BTAF1: variants seen among roughly 807,000 people sequenced by gnomAD.
BTAF1 encodes B-TFIID TATA-box binding protein associated factor 1, also known as TATA-binding protein-associated factor 172.
Under a neutral mutation model 227.1 loss-of-function variants are expected in BTAF1, and 38 were observed. The ratio of observed to expected loss-of-function variants is 0.17; its 90% CI spans 0.13 to 0.22. The LOEUF is 0.22. Ranked by LOEUF, BTAF1 falls within the 10% of genes least tolerant of loss-of-function variation. The pLI, the probability that BTAF1 is intolerant of heterozygous loss-of-function variation, is 1.00. For missense variants in BTAF1, 1,598 were observed against 2,204.0 expected (o/e 0.73, Z 5.51); for synonymous variants, 742 against 751.9 (o/e 0.99, Z 0.21).
chr10:91,981,891 A>C, intron 16 of BTAF1, 99 bp downstream of exon 16: 1 of 1,398,514 alleles, frequency 7.2e-7, no homozygotes, highest in South Asian at 1.5e-5. Flanking sequence ...AGTGTGATTT[A>C]ATTAACATAA....
chr10:92,008,019 A>G (rs747899495), intron 25 of BTAF1, 104 bp from the exon 26 acceptor site: 75 of 1,111,706 alleles, frequency 6.7e-5, no homozygotes, highest in Non-Finnish European at 9.3e-5. Context: ...TCTTTGTACA[A>G]TTTTCAGAAT....
rs1277065687 is a variant in BTAF1 at position 92,030,394 on chromosome 10, G to A, written c.*1461G>A. On this transcript the variant is annotated 3_prime_UTR_variant, in exon 38 of 38. Transcript: ENST00000265990. ...GAGCAAAAGATTATTCAGGTATACA[G>A]GTTTTTTTTCATTGTTTAGGATTTT... The A allele has an allele frequency of 3.3e-5, 5 of 152,336 alleles. No individual in the cohort carries two copies. In the East Asian group the frequency reaches 9.7e-4, roughly 29 times the overall value. The allele number at this position is 152,336 out of a possible 1,614,324, so 9.4% of individuals were successfully genotyped here. A position where few individuals can be genotyped will look rare whatever the true frequency, so the allele number is the denominator to read the frequency against.
In BTAF1 at chr10:92,021,382, A is replaced by G. The variant is rs193170390; in HGVS notation, c.4863+2447A>G. Among the ~76,000 whole-genome samples, 788 of 152,282 alleles carry G rather than the reference A, an allele frequency of 5.2e-3. 3 individuals are homozygous for G. Among genetic ancestry groups the G allele is most frequent in the Non-Finnish European group, 7.3e-3 (496 of 68,018 alleles). On this transcript the variant is annotated intron_variant, in intron 34 of 37. Transcript: ENST00000265990. The stretch of plus-strand genomic sequence containing the variant: ...TTTATATGAGGCAAAGTTGAGTTTG[A>G]TTTGATGGCAAATTCACTATAAGAA...
At position 92,029,796 on chromosome 10, in the gene BTAF1, G is replaced by A. The variant is rs1169601873; in HGVS notation, c.*863G>A. On this transcript the variant is annotated 3_prime_UTR_variant, in exon 38 of 38. Transcript: ENST00000265990. ...AAGACTGTTTATTGTAGTAATGCAT[G>A]GCTGAAGCATAAAAGGGAGAGAGAA... is the stretch of plus-strand genomic sequence containing the variant. The A allele has an allele frequency of 6.6e-6, 1 of 152,322 alleles. No individual in the cohort carries two copies. The highest frequency in any genetic ancestry group is 1.5e-5 in the Non-Finnish European group (1 of 67,920). The allele number at this position is 152,322 out of a possible 1,614,324, so 9.4% of individuals were successfully genotyped here.
Position 92,008,480 on chromosome 10 carries a change from A to G in BTAF1, c.3813+205A>G, listed in dbSNP as rs574602401. ...CACCTCAGCCTCCCAAGTAGCTGGG[A>G]CTATACATGTGCACCACTATGGCCA... On this transcript the variant is annotated intron_variant, in intron 26 of 37. Coordinates refer to ENST00000265990, the MANE Select transcript of BTAF1 (RefSeq NM_003972.3). Among the ~76,000 whole-genome samples, 3 of 150,012 alleles carry G rather than the reference A, an allele frequency of 2.0e-5. No homozygotes were observed. The South Asian group carries it at 6.3e-4, about 32-fold the overall frequency.
intron 35 of BTAF1, 136 bp from the exon 36 acceptor site, chr10:92,026,456 T>C (rs1443645818): frequency 1.5e-6 from 1 of 661,744 alleles, no homozygotes; most frequent in East Asian, 2.8e-5. Flanking sequence ...AGGATATTTT[T>C]CTCAGATGAT....
At chr10:91,954,257 G>C (rs771317134) in intron 6 of BTAF1, among the ~76,000 whole-genome samples, 4 of 152,084 alleles carry the variant, frequency 2.6e-5, no homozygotes, top group Non-Finnish European at 4.4e-5. Flanking sequence ...AAATCAGAGA[G>C]GTGTCTAAGG....
Position 91,997,817 on chromosome 10 carries a change from C to A in BTAF1, c.3660+66C>A, listed in dbSNP as rs776066632. 1.6e-5 allele frequency: 25 copies of A among 1,537,878 alleles called. No individual in the cohort carries two copies. In the East Asian group the frequency reaches 5.4e-4, roughly 33 times the overall value. On this transcript the variant is annotated intron_variant, in intron 25 of 37. Transcript: ENST00000265990. ...ATAACTTGATCCATAATAATTGTAA[C>A]CCTTTTTAGGGCCAGGTACAAAGGC... is the stretch of plus-strand genomic sequence containing the variant.
intron 33 of BTAF1, among the ~76,000 whole-genome samples, chr10:92,018,027 C>T (rs144851204): frequency 3.9e-5 from 6 of 152,280 alleles, no homozygotes; most frequent in African/African-American, 7.2e-5. Flanking sequence ...CCCCTCCTCT[C>T]ATCTACTGAA....
At chr10:91,924,930 T>C (rs1279830976) in intron 1 of BTAF1, among the ~76,000 whole-genome samples, 2 of 152,256 alleles carry the variant, frequency 1.3e-5, no homozygotes, top group African/African-American at 4.8e-5. Context: ...AGAGTTGATA[T>C]GGTAACTTTT....
chr10:92,000,653 G>C (rs1849458637), intron 25 of BTAF1, among the ~76,000 whole-genome samples: 1 of 152,076 alleles, frequency 6.6e-6, no homozygotes, highest in South Asian at 2.1e-4. Context: ...TGCCTCCTGG[G>C]TTCAAGCAAT....
intron 14 of BTAF1, among the ~76,000 whole-genome samples, chr10:91,967,790 ATGTT>A (rs901591553): frequency 8.5e-5 from 13 of 152,138 alleles, no homozygotes; most frequent in African/African-American, 3.1e-4. Flanking sequence ...TTTTGCCTAA[ATGTT>A]TGTGAATTCT....
intron 35 of BTAF1, among the ~76,000 whole-genome samples, chr10:92,026,355 AAT>A (rs1851517364): frequency 6.6e-6 from 1 of 152,176 alleles, no homozygotes; most frequent in Non-Finnish European, 1.5e-5. Flanking sequence ...GATGTTACTA[AAT>A]TCAATGCAGT....
intron 14 of BTAF1, among the ~76,000 whole-genome samples, chr10:91,974,818 C>T (rs1847569584): frequency 6.6e-6 from 1 of 152,166 alleles, no homozygotes; most frequent in South Asian, 2.1e-4. Context: ...TGCACCACTG[C>T]ACTCCAGCCT....
chr10:91,945,100 TCTCGGAATGTA>T (rs570050565), intron 4 of BTAF1, among the ~76,000 whole-genome samples: 1 of 152,112 alleles, frequency 6.6e-6, no homozygotes, highest in Non-Finnish European at 1.5e-5. Flanking sequence ...ATGACACATT[TCTCGGAATGTA>T]CTCATCATTA....
At chr10:91,990,234 T>TA (rs777897900) in intron 20 of BTAF1, among the ~76,000 whole-genome samples, 5 of 152,322 alleles carry the variant, frequency 3.3e-5, no homozygotes, top group Non-Finnish European at 5.9e-5. Context: ...GTAGTAGACT[T>TA]ACAGCTTTGG....
chr10:91,962,434 A>G, intron 11 of BTAF1, 104 bp from the exon 12 acceptor site: 1 of 759,688 alleles, frequency 1.3e-6, no homozygotes, highest in Non-Finnish European at 2.1e-6. Context: ...CATGACTATA[A>G]ATATTGGAAT....
At chr10:92,016,165 A>G (rs1850707935) in intron 32 of BTAF1, among the ~76,000 whole-genome samples, 175 bp from the exon 33 acceptor site, 1 of 152,248 alleles carries the variant, frequency 6.6e-6, no homozygotes, top group South Asian at 2.1e-4. Context: ...AAAGGAATTT[A>G]CCAAGATGGA....
At chr10:91,956,129 T>A (rs1404848240) in intron 6 of BTAF1, among the ~76,000 whole-genome samples, 1 of 152,194 alleles carries the variant, frequency 6.6e-6, no homozygotes, top group East Asian at 1.9e-4. Flanking sequence ...TATACTGTAT[T>A]GCTCAGTATA....
Sources: gnomAD v4.1 joint callset for allele counts (sites outside exome capture counted in the v4.1 genomes callset) on GRCh38, gnomAD v4.1.1 for gene constraint, MANE v1.5 for transcripts, NCBI Gene and HGNC (gene_info 2026-07-23, HGNC 2026-07-21) for gene names.